The following FRMPD4 variants were observed in gnomAD, a reference collection of about 807,000 sequenced individuals.
FRMPD4 encodes the protein FERM and PDZ domain containing 4.
A neutral mutation model predicts 94.1 loss-of-function variants in FRMPD4; 22 were observed. That is an observed-to-expected ratio of 0.23 (90% CI 0.17 to 0.33). FRMPD4 has a LOEUF of 0.33. Among genes scored for constraint, FRMPD4 ranks in the 10% least tolerant of loss-of-function variants. FRMPD4 has a pLI of 1.00. For missense variants in FRMPD4, 1,111 were observed against 1,339.9 expected (o/e 0.83, Z 2.67); for synonymous variants, 631 against 548.6 (o/e 1.15, Z -2.10).
intron 1 of FRMPD4, among the ~76,000 whole-genome samples, chrX:12,220,815 C>T (rs941066222): frequency 2.7e-5 from 3 of 112,051 alleles, no homozygotes; most frequent in Admixed American, 9.5e-5. Context: ...TAATCTTTTT[C>T]TGTAGAAATT....
chrX:12,453,964 A>G (rs1160702803), intron 1 of FRMPD4, among the ~76,000 whole-genome samples: 1 of 112,473 alleles, frequency 8.9e-6, no homozygotes, highest in African/African-American at 3.2e-5. Context: ...CTTAGTTGTT[A>G]TTTCCACATG....
chrX:12,486,375 G>A (rs1046723519), intron 1 of FRMPD4, among the ~76,000 whole-genome samples: 4 of 112,140 alleles, frequency 3.6e-5, no homozygotes, highest in Non-Finnish European at 7.5e-5. Context: ...TGATTCTTAT[G>A]CACACTAAAG....
chrX:11,960,630 T>C lies in FRMPD4; in HGVS notation c.95+82612T>C, dbSNP rs528344581. 5.3e-5 allele frequency among the ~76,000 whole-genome samples: 6 copies of C among 112,401 alleles called. No individual in the cohort carries two copies. In the South Asian group the frequency reaches 2.2e-3, roughly 41 times the overall value. On this transcript the variant is annotated intron_variant, in intron 3 of 18. Transcript: ENST00000640291. Reference sequence around the variant, plus strand: ...TCTCCTTATGGATTTATTTTGTCTTTATTCTCTATTTTAATTCCTGCAGTT... The same window carrying C: ...TCTCCTTATGGATTTATTTTGTCTTCATTCTCTATTTTAATTCCTGCAGTT...
chrX:12,466,714 G>A (rs948320287), intron 1 of FRMPD4, among the ~76,000 whole-genome samples: 1 of 112,089 alleles, frequency 8.9e-6, no homozygotes, highest in African/African-American at 3.2e-5. Flanking sequence ...CAGAAAAGAC[G>A]TTCTTCTGCA....
intron 3 of FRMPD4, among the ~76,000 whole-genome samples, chrX:12,076,514 T>TGGA (rs1265295401): frequency 2.7e-5 from 3 of 110,573 alleles, no homozygotes; most frequent in African/African-American, 9.9e-5. Context: ...GAAGCAAGAG[T>TGGA]GGATGGGAAA....
At chrX:12,302,928 T>C (rs1377770273) in intron 1 of FRMPD4, among the ~76,000 whole-genome samples, 7 of 112,076 alleles carry the variant, frequency 6.2e-5, no homozygotes. Flanking sequence ...TGGACACTTA[T>C]GTGCAAAGAC....
At chrX:12,028,734 T>C (rs953012813) in intron 3 of FRMPD4, among the ~76,000 whole-genome samples, 2 of 111,970 alleles carry the variant, frequency 1.8e-5, no homozygotes, top group African/African-American at 6.5e-5. Context: ...AATCATGCAG[T>C]ATATAGCCTT....
chrX:11,877,355 G>A (rs763984880), intron 2 of FRMPD4, among the ~76,000 whole-genome samples: 3 of 111,857 alleles, frequency 2.7e-5, no homozygotes, highest in Non-Finnish European at 5.6e-5. Flanking sequence ...AGCTCAGAGC[G>A]CCAAATATCC....
chrX:12,381,355 G>A (rs757440542), intron 1 of FRMPD4, among the ~76,000 whole-genome samples: 2 of 112,097 alleles, frequency 1.8e-5, no homozygotes, highest in Non-Finnish European at 3.8e-5. Context: ...CTTGATATAC[G>A]AACTATGAAA....
intron 1 of FRMPD4, among the ~76,000 whole-genome samples, chrX:12,363,039 T>C (rs1479428720): frequency 1.8e-5 from 2 of 112,435 alleles, no homozygotes; most frequent in Non-Finnish European, 1.9e-5. Context: ...CCTCGCCCAC[T>C]TTTTGATGGA....
intron 3 of FRMPD4, among the ~76,000 whole-genome samples, chrX:12,077,523 G>A (rs1439569982): frequency 1.8e-5 from 2 of 111,556 alleles, no homozygotes; most frequent in Non-Finnish European, 3.8e-5. Flanking sequence ...GGTATTATGT[G>A]TCAGGCCAAG....
intron 1 of FRMPD4, among the ~76,000 whole-genome samples, chrX:12,495,691 A>G (rs2071930862): frequency 1.8e-5 from 2 of 111,191 alleles, no homozygotes; most frequent in African/African-American, 6.6e-5. Context: ...TCTGCTCTTG[A>G]TCACCACATC....
intron 1 of FRMPD4, among the ~76,000 whole-genome samples, chrX:12,486,438 A>G (rs1032300370): frequency 8.9e-6 from 1 of 112,509 alleles, no homozygotes; most frequent in East Asian, 2.8e-4. Context: ...GCTTTTCTGC[A>G]CTTTTCTAAT....
intron 1 of FRMPD4, among the ~76,000 whole-genome samples, chrX:12,239,923 G>A (rs766105302): frequency 2.2e-4 from 25 of 112,076 alleles, no homozygotes; most frequent in African/African-American, 2.9e-4. Context: ...GCCTTTCAAA[G>A]GCCTCACCTC....
chrX:11,913,900 G>A (rs181173679), intron 3 of FRMPD4, among the ~76,000 whole-genome samples: 23 of 111,965 alleles, frequency 2.1e-4, no homozygotes, highest in Middle Eastern at 4.6e-3. Context: ...CAAGTTTCCT[G>A]TTTCTGTAGG....
At chrX:12,506,269 C>T in intron 2 of FRMPD4, among the ~76,000 whole-genome samples, 1 of 111,509 alleles carries the variant, frequency 9.0e-6, no homozygotes. Flanking sequence ...GTTAACATGT[C>T]ATAGAGTTTT....
Position 12,332,205 on chromosome X carries a change from TATAGAGAGAGAGAGAG to T in FRMPD4, c.42-166473_42-166458del, listed in dbSNP as rs1237415549. Among the ~76,000 whole-genome samples the T allele has an allele frequency of 1.1e-4, 7 of 66,026 alleles. No homozygotes were observed. The East Asian group carries it at 1.1e-3, about 11-fold the overall frequency. The allele number at this position is 66,026 out of a possible 115,157, so 57.3% of individuals were successfully genotyped here. The stretch of plus-strand genomic sequence containing the variant: ...AATTTATATTTTATATATATATATA[TATAGAGAGAGAGAGAG>T]AGAGAGAGAGAGAGAGAGAGAGAAT... On this transcript the variant is annotated intron_variant, in intron 1 of 16. Coordinates refer to ENST00000675598, the MANE Select transcript of FRMPD4 (RefSeq NM_001368397.1).
At chrX:12,176,022 C>T (rs183540241) in intron 1 of FRMPD4, among the ~76,000 whole-genome samples, 4 of 112,254 alleles carry the variant, frequency 3.6e-5, no homozygotes, top group Non-Finnish European at 7.5e-5. Flanking sequence ...CCCTGACTTA[C>T]AGTATTTGTC....
intron 4 of FRMPD4, among the ~76,000 whole-genome samples, chrX:12,668,089 G>A (rs1180030807): frequency 8.9e-6 from 1 of 112,054 alleles, no homozygotes; most frequent in Non-Finnish European, 1.9e-5. Flanking sequence ...AAGTTAATTT[G>A]ATGGCTTAAA....
Sources: allele counts gnomAD v4.1 joint callset (sites outside exome capture counted in the v4.1 genomes callset), GRCh38; gene constraint gnomAD v4.1.1; transcripts MANE v1.5; gene names NCBI Gene and HGNC (gene_info 2026-07-23, HGNC 2026-07-21).